Variants in DLL3 observed in about 807,000 individuals in gnomAD.
DLL3 encodes delta-like protein 3.
A neutral mutation model predicts 55.0 loss-of-function variants in DLL3; 49 were observed. That is an observed-to-expected ratio of 0.89 (90% CI 0.71 to 1.13). The LOEUF is 1.13. Ranked by LOEUF, DLL3 falls within the 50% of genes most tolerant of loss-of-function variation. The pLI is 0.00. For missense variants in DLL3, 962 were observed against 875.5 expected (o/e 1.10, Z -1.25); for synonymous variants, 421 against 385.2 (o/e 1.09, Z -1.09).
At position 39,506,177 on chromosome 19, in the gene DLL3, G is replaced by T. The variant is rs1227762128; in HGVS notation, c.1093+726G>T. On this transcript the variant is annotated intron_variant, in intron 6 of 8. Transcript: ENST00000356433. ...CAGTGAGCCGAGATCATGCCACTGC[G>T]CTCCCGCCTGGGCGACAGAGTGACA... 2.5e-5 allele frequency among the ~76,000 whole-genome samples: 3 copies of T among 119,520 alleles called. No individual in the cohort carries two copies. In the South Asian group the frequency reaches 8.0e-4, roughly 32 times the overall value. 78.4% of individuals were successfully genotyped at this position (119,520 alleles called of 152,430 possible). A position where few individuals can be genotyped will look rare whatever the true frequency, so the allele number is the denominator to read the frequency against.
At chr19:39,504,006 C>T in intron 4 of DLL3, 65 bp from the exon 5 acceptor site, 1 of 1,525,680 alleles carries the variant, frequency 6.6e-7, no homozygotes. Flanking sequence ...CCCTGCTTTC[C>T]ATCTTGTCCC....
chr19:39,500,415 G>C (rs1466797778), intron 2 of DLL3, among the ~76,000 whole-genome samples, 200 bp from the exon 3 acceptor site: 1 of 136,022 alleles, frequency 7.4e-6, no homozygotes, highest in African/African-American at 2.8e-5. Context: ...GACAAAGTGA[G>C]ATTCTCCCCC....
At chr19:39,499,168 A>ACCCTGCGCCCGTCTCC (rs771047276) in intron 1 of DLL3, 24 bp from the exon 2 acceptor site, 2 of 1,593,830 alleles carry the variant, frequency 1.3e-6, no homozygotes, top group Non-Finnish European at 1.7e-6. Flanking sequence ...CGGCCGCCTC[A>ACCCTGCGCCCGTCTCC]CCCTGCGCCC....
At position 39,506,293 on chromosome 19, in the gene DLL3, G is replaced by A. The variant is rs556613711; in HGVS notation, c.1094-746G>A. ...TGAAGCAGAGAATTGCTTGAACTCG[G>A]GAGGCGGAGGTTGCAGTGAGCCGAG... On this transcript the variant is annotated intron_variant, in intron 6 of 8. Coordinates refer to ENST00000356433, the MANE Select transcript of DLL3 (RefSeq NM_203486.3). Among the ~76,000 whole-genome samples, 6 of 149,794 alleles carry A rather than the reference G, an allele frequency of 4.0e-5. No individual in the cohort carries two copies. In the South Asian group the frequency reaches 6.4e-4, roughly 16 times the overall value.
rs1297958290 is a variant in DLL3 at position 39,499,484 on chromosome 19, C to A, written c.351+11C>A. ...CGGGACGCCTGGCCTGTAAGTGCTG[C>A]CCCCGGGGGACTCCCGGTGCTGGAG... On this transcript the variant is annotated intron_variant, in intron 2 of 8. Coordinates refer to ENST00000356433, the MANE Select transcript of DLL3 (RefSeq NM_203486.3). The A allele has an allele frequency of 1.3e-6, 2 of 1,583,560 alleles. No individual in the cohort carries two copies. The highest frequency in any genetic ancestry group is 2.3e-5 in the East Asian group (1 of 44,210).
At position 39,504,235 on chromosome 19, in the gene DLL3, C is replaced by A; in HGVS notation, c.817C>A (p.Pro273Thr). Residue 273 changes from proline (P) to threonine (T), a missense_variant, in exon 5 of 9, where the codon CCT (proline) becomes ACT (threonine). By Grantham distance (38) the Pro-to-Thr change is conservative (BLOSUM62 -1). Coordinates refer to ENST00000356433, the MANE Select transcript of DLL3 (RefSeq NM_203486.3). ...CTCTGCTACCACCGGATGCCTTGTC[C>A]CTGGGCCTGGGCCCTGTGACGGGAA... ...PSSATTGCLV[P>T]GPGPCDGNPC... 1 of 1,613,114 alleles carries A rather than the reference C, an allele frequency of 6.2e-7. No individual in the cohort carries two copies. Among genetic ancestry groups the A allele is most frequent in the Non-Finnish European group, 8.5e-7 (1 of 1,180,036 alleles).
Position 39,507,222 on chromosome 19 carries a change from G to C in DLL3, c.1277G>C (p.Cys426Ser). 7.3e-7 allele frequency: 1 copy of C among 1,364,136 alleles called. No individual in the cohort carries two copies. The highest frequency in any genetic ancestry group is 1.5e-5 in the African/African-American group (1 of 65,222). 84.5% of individuals were successfully genotyped at this position (1,364,136 alleles called of 1,614,324 possible). ...GCGCTGGGCTTCGGCGGCCGCGACT[G>C]CCGCGAGCGCGCGGACCCGTGCGCC... ...SCALGFGGRD[C>S]RERADPCAAR... is the part of the protein sequence containing the mutation. The change falls in exon 7 of 9, where the codon TGC becomes TCC. Residue 426 changes from cysteine (C) to serine (S), a missense_variant. By Grantham distance (112) the Cys-to-Ser change is moderately radical. Transcript: ENST00000356433.
Position 39,508,346 on chromosome 19 carries a change from T to C in DLL3, c.*89T>C. ...AGTCTCTGCCCCAGAGGCTTTGGAG[T>C]TCAATCTTGAAGGGGTGTCTGGGGG... On this transcript the variant is annotated 3_prime_UTR_variant, in exon 9 of 9. Transcript: ENST00000356433. 1 of 1,495,940 alleles carries C rather than the reference T, an allele frequency of 6.7e-7. No individual in the cohort carries two copies. Among genetic ancestry groups the C allele is most frequent in the South Asian group, 1.1e-5 (1 of 88,722 alleles). 92.7% of individuals were successfully genotyped at this position (1,495,940 alleles called of 1,614,324 possible). A position where few individuals can be genotyped will look rare whatever the true frequency, so the allele number is the denominator to read the frequency against.
chr19:39,500,716 C>A, intron 3 of DLL3, 44 bp downstream of exon 3: 1 of 1,550,438 alleles, frequency 6.4e-7, no homozygotes, highest in Non-Finnish European at 8.9e-7. Context: ...CTGGGGCCCA[C>A]GTGAGACACG....
intron 2 of DLL3, 62 bp downstream of exon 2, chr19:39,499,535 A>G: frequency 6.5e-7 from 1 of 1,537,518 alleles, no homozygotes; most frequent in Non-Finnish European, 8.7e-7. Context: ...CGAAACCTCC[A>G]CCTCCTCTCC....
At chr19:39,507,758 G>A in intron 7 of DLL3, 72 bp from the exon 8 acceptor site, 7 of 1,609,004 alleles carry the variant, frequency 4.4e-6, no homozygotes, top group Non-Finnish European at 6.0e-6. Flanking sequence ...GTTCCCCTTT[G>A]TGATGGGTAG....
chr19:39,508,144 G>A, intron 8 of DLL3, 108 bp from the exon 9 acceptor site: 1 of 1,613,926 alleles, frequency 6.2e-7, no homozygotes. Flanking sequence ...GCTTGAGGAG[G>A]TCACGATGCC....
chr19:39,507,045 T>A lies in DLL3; in HGVS notation c.1100T>A (p.Leu367His). 2.6e-6 allele frequency: 4 copies of A among 1,536,176 alleles called. No individual in the cohort carries two copies. Among genetic ancestry groups the A allele is most frequent in the Non-Finnish European group, 3.5e-6 (4 of 1,147,664 alleles). ...CSLQPCRNGG[L>H]CLDLGHALRC... Reference sequence around the variant, plus strand: ...GATGCTCCCTTCCCCACAGGCGGACTCTGCCTGGACCTGGGCCACGCCCTG... The same window carrying A: ...GATGCTCCCTTCCCCACAGGCGGACACTGCCTGGACCTGGGCCACGCCCTG... The change falls in exon 7 of 9, where the codon CTC becomes CAC. Residue 367 changes from leucine (L) to histidine (H), a missense_variant. Physicochemically the swap from Leu to His is moderately conservative, Grantham distance 99. Transcript: ENST00000356433.
At chr19:39,499,546 C>T (rs2079597797) in intron 2 of DLL3, 73 bp downstream of exon 2, 2 of 1,528,196 alleles carry the variant, frequency 1.3e-6, no homozygotes, top group East Asian at 2.4e-5. Flanking sequence ...CCTCCTCTCC[C>T]CTCCAGCTTC....
rs2079596109 is a variant in DLL3 at position 39,499,366 on chromosome 19, G to C, written c.244G>C (p.Ala82Pro). ...CGAGTCCCCGTGCGCCCTGGGCGCG[G>C]CGCTGAGTGCGCGCGGACCGGTCTA... ...AAESPCALGA[A>P]LSARGPVYTE... Residue 82 changes from alanine to proline, a missense_variant, in exon 2 of 9, where the codon GCG becomes CCG. Coordinates refer to ENST00000356433, the MANE Select transcript of DLL3 (RefSeq NM_203486.3). 2 of 1,560,842 alleles carry C rather than the reference G, an allele frequency of 1.3e-6. No homozygotes were observed. Among genetic ancestry groups the C allele is most frequent in the Non-Finnish European group, 1.7e-6 (2 of 1,160,038 alleles).
Position 39,504,258 on chromosome 19 carries a change from G to A in DLL3, c.840G>A (p.Gly280=), listed in dbSNP as rs147079724. ...TCCCTGGGCCTGGGCCCTGTGACGG[G>A]AACCCGTGTGCCAATGGAGGCAGCT... is the stretch of plus-strand genomic sequence containing the variant. ...CLVPGPGPCD[G]NPCANGGSCS... is the part of the protein sequence containing the mutation. The change falls in exon 5 of 9, where the codon GGG becomes GGA. Residue 280 remains glycine (G), a synonymous_variant. Coordinates refer to ENST00000356433, the MANE Select transcript of DLL3 (RefSeq NM_203486.3). The A allele has an allele frequency of 6.3e-5, 102 of 1,612,974 alleles. No homozygotes were observed. In the African/African-American group the frequency reaches 1.3e-3, roughly 21 times the overall value.
Position 39,502,885 on chromosome 19 carries a change from G to C in DLL3, c.480G>C (p.Arg160=). Residue 160 remains arginine (R), a synonymous_variant, in exon 4 of 9, where the codon CGG becomes CGC. Transcript: ENST00000356433. ...RRLAAGGPWA[R]DIQRAGAWEL... Reference sequence around the variant, plus strand: ...TGGCAGCCGGAGGCCCGTGGGCCCGGGACATTCAGCGCGCAGGCGCCTGGG... The same window carrying C: ...TGGCAGCCGGAGGCCCGTGGGCCCGCGACATTCAGCGCGCAGGCGCCTGGG... The C allele has an allele frequency of 6.9e-7, 1 of 1,440,922 alleles. No individual in the cohort carries two copies. Among genetic ancestry groups the C allele is most frequent in the Admixed American group, 2.7e-5 (1 of 36,474 alleles). The allele number at this position is 1,440,922 out of a possible 1,614,324, so 89.3% of individuals were successfully genotyped here.
At chr19:39,503,917 G>T (rs1256892134) in intron 4 of DLL3, among the ~76,000 whole-genome samples, 154 bp from the exon 5 acceptor site, 1 of 152,122 alleles carries the variant, frequency 6.6e-6, no homozygotes, top group Non-Finnish European at 1.5e-5. Flanking sequence ...TGGGGGGGCG[G>T]TCACAGTACC....
chr19:39,499,584 G>T (rs926077655), intron 2 of DLL3, 111 bp downstream of exon 2: 6 of 1,417,140 alleles, frequency 4.2e-6, no homozygotes, highest in Non-Finnish European at 5.7e-6. Context: ...CTCCCAGGGG[G>T]TGGACGAAAT....
Sources: allele counts gnomAD v4.1 joint callset (sites outside exome capture counted in the v4.1 genomes callset), GRCh38; gene constraint gnomAD v4.1.1; transcripts MANE v1.5; gene names NCBI Gene and HGNC (gene_info 2026-07-23, HGNC 2026-07-21).